EPHA5: variants seen among roughly 807,000 people sequenced by gnomAD.
EPHA5 encodes ephrin type-A receptor 5.
EPHA5 carries 60 observed loss-of-function variants against 105.0 expected under a neutral mutation model. The ratio of observed to expected loss-of-function variants is 0.57; its 90% CI spans 0.46 to 0.71. The LOEUF is 0.71. EPHA5 is among the 30% of genes least tolerant of loss of function. The probability of loss-of-function intolerance (pLI) is 0.00; values close to 1 mark genes in which losing one functional copy is unlikely to be tolerated. For synonymous variants in EPHA5, 513 were observed against 449.1 expected (o/e 1.14, Z -1.80); for missense variants, 1,218 against 1,274.7 (o/e 0.96, Z 0.68).
At position 65,348,159 on chromosome 4, in the gene EPHA5, A is replaced by T. The variant is rs1722400763; in HGVS notation, c.2490T>A (p.Ala830=). 1 of 1,613,834 alleles carries T rather than the reference A, an allele frequency of 6.2e-7. No homozygotes were observed. Among genetic ancestry groups the T allele is most frequent in the Non-Finnish European group, 8.5e-7 (1 of 1,179,864 alleles). The change falls in exon 14 of 17, where the codon GCT becomes GCA. Residue 830 remains alanine (A), a synonymous_variant. Coordinates refer to ENST00000613740, the MANE Select transcript of EPHA5 (RefSeq NM_001281766.3). Reference sequence around the variant, plus strand: ...CACTGGCAGAAGTAAACTTTCGGAAAGCTATTGCTTCTGGGGCAGTCCATC... The same window carrying T: ...CACTGGCAGAAGTAAACTTTCGGAATGCTATTGCTTCTGGGGCAGTCCATC... ...PIRWTAPEAI[A]FRKFTSASDV...
intron 1 of EPHA5, among the ~76,000 whole-genome samples, chr4:65,653,463 G>A (rs1449772265): frequency 6.6e-5 from 10 of 151,950 alleles, no homozygotes; most frequent in Non-Finnish European, 1.5e-4. Context: ...TACAAATATT[G>A]TGCCAAATGA....
intron 7 of EPHA5, among the ~76,000 whole-genome samples, chr4:65,409,882 CAAAT>C (rs1387555905): frequency 1.3e-5 from 2 of 152,022 alleles, no homozygotes; most frequent in Non-Finnish European, 2.9e-5. Context: ...AAATGACTGA[CAAAT>C]AAGTAAATAA....
chr4:65,349,112 A>G (rs2148847976), intron 13 of EPHA5, among the ~76,000 whole-genome samples: 1 of 151,948 alleles, frequency 6.6e-6, no homozygotes, highest in Admixed American at 6.6e-5. Context: ...TACTGGGCCC[A>G]GCATAATATT....
At chr4:65,472,536 C>G (rs1729389689) in intron 5 of EPHA5, among the ~76,000 whole-genome samples, 1 of 152,194 alleles carries the variant, frequency 6.6e-6, no homozygotes, top group South Asian at 2.1e-4. Flanking sequence ...ATCTAGGTTC[C>G]CAAACCTCAA....
chr4:65,538,134 A>G (rs1225499456), intron 3 of EPHA5, among the ~76,000 whole-genome samples: 1 of 151,834 alleles, frequency 6.6e-6, no homozygotes, highest in Non-Finnish European at 1.5e-5. Flanking sequence ...CAAACAAAAA[A>G]TCTGCAGTGC....
At chr4:65,584,673 A>C (rs11131600) in intron 3 of EPHA5, among the ~76,000 whole-genome samples, 1 of 151,662 alleles carries the variant, frequency 6.6e-6, no homozygotes, top group Non-Finnish European at 1.5e-5. Context: ...GTACATAACA[A>C]TTTTTGTTAA....
At chr4:65,525,042 T>C (rs984442148) in intron 3 of EPHA5, among the ~76,000 whole-genome samples, 1 of 151,764 alleles carries the variant, frequency 6.6e-6, no homozygotes, top group Non-Finnish European at 1.5e-5. Flanking sequence ...CTATCATCTT[T>C]TAAATTTCAT....
At chr4:65,379,570 ACATCTATTTTACTTTGATCAGTGTCT>A (rs1719353395) in intron 8 of EPHA5, among the ~76,000 whole-genome samples, 1 of 151,752 alleles carries the variant, frequency 6.6e-6, no homozygotes, top group African/African-American at 2.4e-5. Flanking sequence ...GTGAGAGAAT[ACATCTATTTTACTTTGATCAGTGTCT>A]GGCATATCAA....
chr4:65,612,866 G>A (rs970113885), intron 2 of EPHA5, among the ~76,000 whole-genome samples: 3 of 152,068 alleles, frequency 2.0e-5, no homozygotes, highest in Non-Finnish European at 4.4e-5. Context: ...TTGCTGTGCT[G>A]AAGCTTTTTA....
chr4:65,622,268 T>C (rs559114665), intron 2 of EPHA5, among the ~76,000 whole-genome samples: 1 of 152,236 alleles, frequency 6.6e-6, no homozygotes, highest in East Asian at 1.9e-4. Context: ...TTCCAACTAG[T>C]GTCTGGATAG....
intron 14 of EPHA5, among the ~76,000 whole-genome samples, chr4:65,336,702 T>C (rs559957942): frequency 6.6e-6 from 1 of 152,138 alleles, no homozygotes; most frequent in Admixed American, 6.6e-5. Context: ...GTCAGGAATC[T>C]GGAATGACTG....
chr4:65,347,804 C>T (rs985452355), intron 14 of EPHA5, among the ~76,000 whole-genome samples: 1 of 152,230 alleles, frequency 6.6e-6, no homozygotes, highest in South Asian at 2.1e-4. Context: ...TGAAACATCA[C>T]TACAGTACAG....
chr4:65,368,709 G>A (rs1209461685), intron 8 of EPHA5, among the ~76,000 whole-genome samples: 1 of 152,060 alleles, frequency 6.6e-6, no homozygotes, highest in Non-Finnish European at 1.5e-5. Flanking sequence ...CCTATCTACT[G>A]CAAAATATTT....
intron 2 of EPHA5, among the ~76,000 whole-genome samples, chr4:65,637,569 C>CACATATATATAT (rs1553958769): frequency 8.9e-6 from 1 of 112,440 alleles, no homozygotes; most frequent in Non-Finnish European, 1.9e-5. Context: ...ATGAGTTTTG[C>CACATATATATAT]ATATATATAT....
chr4:65,550,311 C>G (rs988888463), intron 3 of EPHA5, among the ~76,000 whole-genome samples: 1 of 151,942 alleles, frequency 6.6e-6, no homozygotes, highest in Non-Finnish European at 1.5e-5. Flanking sequence ...AGTTATTAAA[C>G]CAATGTAAAA....
chr4:65,612,565 T>C (rs1053070373), intron 2 of EPHA5, among the ~76,000 whole-genome samples: 1 of 152,230 alleles, frequency 6.6e-6, no homozygotes, highest in African/African-American at 2.4e-5. Context: ...CTTTATCCAA[T>C]CATCCTTTGA....
intron 5 of EPHA5, among the ~76,000 whole-genome samples, chr4:65,482,040 G>A (rs1237358766): frequency 6.6e-6 from 1 of 152,204 alleles, no homozygotes; most frequent in Non-Finnish European, 1.5e-5. Flanking sequence ...GCTCATGCCT[G>A]TAATCCCAGC....
At chr4:65,482,919 G>T (rs1330889309) in intron 5 of EPHA5, among the ~76,000 whole-genome samples, 4 of 149,384 alleles carry the variant, frequency 2.7e-5, no homozygotes, top group Non-Finnish European at 4.4e-5. Flanking sequence ...GTGCAGGTTT[G>T]TTACATATGT....
chr4:65,572,846 C>A (rs534437724), intron 3 of EPHA5, among the ~76,000 whole-genome samples: 1 of 151,570 alleles, frequency 6.6e-6, no homozygotes, highest in Admixed American at 6.6e-5. Flanking sequence ...GCCTGGCCAA[C>A]ATAGCGAAAC....
Sources: allele counts gnomAD v4.1 joint callset (sites outside exome capture counted in the v4.1 genomes callset), GRCh38; gene constraint gnomAD v4.1.1; transcripts MANE v1.5; gene names NCBI Gene and HGNC (gene_info 2026-07-23, HGNC 2026-07-21).